TTC21A: variants seen among roughly 807,000 people sequenced by gnomAD.
TTC21A encodes the protein tetratricopeptide repeat protein 21A.
In TTC21A, 128 loss-of-function variants were observed where a neutral mutation model predicts 156.4. The observed-to-expected ratio is 0.82, with a 90% CI of 0.71 to 0.95. The LOEUF (loss-of-function observed/expected upper bound fraction) is 0.95, where lower values mean the gene tolerates loss of function less well. Among genes scored for constraint, TTC21A ranks in the 40% least tolerant of loss-of-function variants. The pLI is 0.00. For synonymous variants in TTC21A, 587 were observed against 617.1 expected (o/e 0.95, Z 0.72); for missense variants, 1,435 against 1,602.3 (o/e 0.90, Z 1.78).
chr3:39,134,644 GCCC>G lies in TTC21A; in HGVS notation c.2862+317_2862+319del, dbSNP rs780440527. 43 of 497,104 alleles carry G rather than the reference GCCC, an allele frequency of 8.7e-5. No homozygotes were observed. The highest frequency in any genetic ancestry group is 1.3e-4 in the Non-Finnish European group (36 of 270,702). The allele number at this position is 497,104 out of a possible 1,614,324, so 30.8% of individuals were successfully genotyped here. ...ACAGGTTCCTGGGGCTTCAGGAAAA[GCCC>G]TCCTCGGTCCTGCCTCTCTCTTCCC... On this transcript the variant is annotated intron_variant, in intron 21 of 28. Transcript: ENST00000683103. The surrounding 1 kb of genome is among the most constrained non-coding windows in gnomAD (Gnocchi z 4.6).
chr3:39,108,006 C>G lies in TTC21A; in HGVS notation c.27+142C>G, dbSNP rs1377929217. On this transcript the variant is annotated intron_variant, in intron 1 of 28. Coordinates refer to ENST00000683103, the MANE Select transcript of TTC21A (RefSeq NM_001366900.1). ...TCCTGCCTTTTCTTGCCCCACTCCC[C>G]CTGGCAAGGGCGTCTTCTCCGGTGG... 9 of 1,016,844 alleles carry G rather than the reference C, an allele frequency of 8.9e-6. No homozygotes were observed. The African/African-American group carries it at 9.7e-5, about 11-fold the overall frequency. The allele number at this position is 1,016,844 out of a possible 1,614,324, so 63.0% of individuals were successfully genotyped here.
At position 39,112,506 on chromosome 3, in the gene TTC21A, A is replaced by G; in HGVS notation, c.484A>G (p.Thr162Ala). The G allele has an allele frequency of 6.2e-7, 1 of 1,614,198 alleles. No individual in the cohort carries two copies. Among genetic ancestry groups the G allele is most frequent in the Non-Finnish European group, 8.5e-7 (1 of 1,180,042 alleles). ...GGACCTGACCTCAGACAAGCCCCACACTGCGAAGAAAGCCATTGAGTACCT... is the reference window on the plus strand; with the variant it reads ...GGACCTGACCTCAGACAAGCCCCACGCTGCGAAGAAAGCCATTGAGTACCT... ...WVDLTSDKPH[T>A]AKKAIEYLEQ... Residue 162 changes from threonine (T) to alanine (A), a missense_variant, in exon 5 of 29, where the codon ACT becomes GCT. By Grantham distance (58) the Thr-to-Ala change is moderately conservative. Coordinates refer to ENST00000683103, the MANE Select transcript of TTC21A (RefSeq NM_001366900.1).
intron 5 of TTC21A, among the ~76,000 whole-genome samples, chr3:39,112,937 C>T (rs779287459): frequency 2.6e-5 from 4 of 152,054 alleles, no homozygotes; most frequent in African/African-American, 4.8e-5. Flanking sequence ...TTTGACCTTC[C>T]CATTTCACTT....
chr3:39,131,241 C>T (rs184630309), intron 19 of TTC21A, 146 bp downstream of exon 19: 1 of 624,964 alleles, frequency 1.6e-6, no homozygotes, highest in African/African-American at 1.8e-5. Flanking sequence ...TCCACCTTCA[C>T]TTATTTTCCC....
Position 39,135,213 on chromosome 3 carries a change from C to G in TTC21A, c.2944+39C>G, listed in dbSNP as rs571897329. The G allele has an allele frequency of 6.4e-6, 10 of 1,561,530 alleles. No individual in the cohort carries two copies. The East Asian group carries it at 2.0e-4, about 31-fold the overall frequency. ...TGGAGACTGCCTGTACCAGTTCCCA[C>G]TGAGCAAGGGCCGCTCTCCCAGAGA... is the stretch of plus-strand genomic sequence containing the variant. On this transcript the variant is annotated intron_variant, in intron 22 of 28. Coordinates refer to ENST00000683103, the MANE Select transcript of TTC21A (RefSeq NM_001366900.1).
chr3:39,112,967 A>G lies in TTC21A; in HGVS notation c.558+387A>G, dbSNP rs1204410431. 4.0e-5 allele frequency among the ~76,000 whole-genome samples: 6 copies of G among 151,606 alleles called. No homozygotes were observed. In the East Asian group the frequency reaches 9.7e-4, roughly 24 times the overall value. On this transcript the variant is annotated intron_variant, in intron 5 of 28. Transcript: ENST00000683103. ...TCACTTCTTTCTACCTGTTAAATTC[A>G]TTTAGTGTGCCGTAAGAGAAGGGAG...
chr3:39,112,657 G>A, intron 5 of TTC21A, 77 bp downstream of exon 5: 1 of 1,576,538 alleles, frequency 6.3e-7, no homozygotes, highest in Middle Eastern at 2.2e-4. Flanking sequence ...GGTACCCCCA[G>A]GCCAAACCCT....
rs61526012 is a variant in TTC21A, at chr3:39,111,430, C to G, written c.435+413C>G. Among the ~76,000 whole-genome samples the G allele has an allele frequency of 2.5e-3, 382 of 152,272 alleles. 1 individual carries two copies. Among genetic ancestry groups the G allele is most frequent in the African/African-American group, 8.9e-3 (371 of 41,546 alleles). On this transcript the variant is annotated intron_variant, in intron 4 of 28. Transcript: ENST00000683103. ...GTCTTGCCATGTTGCCCAGGCTGGTCCAGACTTACTGGTTCTTTTGAAGAC... is the reference window on the plus strand; with the variant it reads ...GTCTTGCCATGTTGCCCAGGCTGGTGCAGACTTACTGGTTCTTTTGAAGAC...
chr3:39,110,177 G>A, intron 3 of TTC21A, 38 bp downstream of exon 3: 1 of 1,519,282 alleles, frequency 6.6e-7, no homozygotes, highest in Non-Finnish European at 9.1e-7. Flanking sequence ...TGACCCACCA[G>A]GGGAAGGAAA....
At chr3:39,111,189 C>T (rs1420245388) in intron 4 of TTC21A, among the ~76,000 whole-genome samples, 172 bp downstream of exon 4, 1 of 152,186 alleles carries the variant, frequency 6.6e-6, no homozygotes, top group Admixed American at 6.5e-5. Context: ...CTGGGCTTAG[C>T]AGAGGTTACA....
At chr3:39,132,893 C>A (rs2038836507) in intron 19 of TTC21A, 159 bp from the exon 20 acceptor site, 2 of 699,206 alleles carry the variant, frequency 2.9e-6, no homozygotes, top group African/African-American at 1.8e-5. Flanking sequence ...CATGTGTACT[C>A]AGCCAGTGGC....
intron 6 of TTC21A, among the ~76,000 whole-genome samples, 159 bp downstream of exon 6, chr3:39,114,901 G>T (rs1310304975): frequency 1.3e-5 from 2 of 152,186 alleles, no homozygotes; most frequent in African/African-American, 4.8e-5. Flanking sequence ...GAGCAGGGAT[G>T]GGTGCAAGCA....
Position 39,129,092 on chromosome 3 carries a change from G to T in TTC21A, c.1917G>T (p.Met639Ile). 1 of 1,614,230 alleles carries T rather than the reference G, an allele frequency of 6.2e-7. No individual in the cohort carries two copies. The highest frequency in any genetic ancestry group is 8.5e-7 in the Non-Finnish European group (1 of 1,180,036). ...NGELHEATKV[M>I]QDTINEFGGT... is the part of the protein sequence containing the mutation. ...TTTAGCATGAGGCCACCAAGGTCAT[G>T]CAGGACACCATCAATGAGTTCGGTG... The change falls in exon 15 of 29, where the codon ATG becomes ATT. Residue 639 changes from methionine (M) to isoleucine (I), a missense_variant. By Grantham distance (10) the Met-to-Ile change is conservative. Coordinates refer to ENST00000683103, the MANE Select transcript of TTC21A (RefSeq NM_001366900.1).
intron 9 of TTC21A, among the ~76,000 whole-genome samples, chr3:39,121,616 G>T (rs1366179305): frequency 1.3e-5 from 2 of 152,212 alleles, no homozygotes; most frequent in Admixed American, 1.3e-4. Flanking sequence ...AAAAAGAGTA[G>T]CTCTGAGAAT....
chr3:39,134,961 A>G lies in TTC21A; in HGVS notation c.2863-132A>G. On this transcript the variant is annotated intron_variant, in intron 21 of 28. Transcript: ENST00000683103. The surrounding 1 kb of genome is among the most constrained non-coding windows in gnomAD (Gnocchi z 4.6). ...CCTGTGGCAGCTTCTCACAAGGCCT[A>G]GGGAGGCTGCCTTGCAAGTCCTTTT... 1 of 781,082 alleles carries G rather than the reference A, an allele frequency of 1.3e-6. No homozygotes were observed. The highest frequency in any genetic ancestry group is 1.5e-5 in the South Asian group (1 of 64,956). 48.4% of individuals were successfully genotyped at this position (781,082 alleles called of 1,614,324 possible). A position where few individuals can be genotyped will look rare whatever the true frequency, so the allele number is the denominator to read the frequency against.
Position 39,130,345 on chromosome 3 carries a change from A to G in TTC21A, c.2306A>G (p.His769Arg). 1 of 1,612,922 alleles carries G rather than the reference A, an allele frequency of 6.2e-7. No individual in the cohort carries two copies. The highest frequency in any genetic ancestry group is 1.1e-5 in the South Asian group (1 of 90,826). ...ATTGGGCACGCTTATGTGAAGGCCC[A>G]CCAGTATACTGAGGTCAGGCTGGGC... Reference protein sequence around the residue: ...SRIGHAYVKAHQYTEAIEYYE... With the variant: ...SRIGHAYVKARQYTEAIEYYE... Residue 769 changes from histidine to arginine, a missense_variant, in exon 17 of 29, where the codon CAC becomes CGC. His to Arg is a conservative substitution (Grantham distance 29). Transcript: ENST00000683103. The surrounding 1 kb of genome is among the most constrained non-coding windows in gnomAD (Gnocchi z 4.5).
intron 1 of TTC21A, chr3:39,108,267 G>A (rs2036420250): frequency 7.4e-6 from 2 of 268,578 alleles, no homozygotes; most frequent in Non-Finnish European, 7.0e-6. Flanking sequence ...CCAGCTCCTT[G>A]ATGTCTCCTG....
chr3:39,123,846 AC>A (rs533828443), intron 9 of TTC21A, among the ~76,000 whole-genome samples: 2 of 150,084 alleles, frequency 1.3e-5, no homozygotes, highest in Non-Finnish European at 3.0e-5. Context: ...AAAAAAAATC[AC>A]CCCCCCCAAA....
chr3:39,134,480 C>A lies in TTC21A; in HGVS notation c.2862+152C>A. On this transcript the variant is annotated intron_variant, in intron 21 of 28. Coordinates refer to ENST00000683103, the MANE Select transcript of TTC21A (RefSeq NM_001366900.1). The surrounding 1 kb of genome is among the most constrained non-coding windows in gnomAD (Gnocchi z 4.6). ...GTCGGGCAGAGAGGACTCAGTGCTG[C>A]ACCTACTCTGCCCTTTAGCCGGAAG... is the stretch of plus-strand genomic sequence containing the variant. 1 of 714,296 alleles carries A rather than the reference C, an allele frequency of 1.4e-6. No individual in the cohort carries two copies. Among genetic ancestry groups the A allele is most frequent in the South Asian group, 1.4e-5 (1 of 69,022 alleles). The allele number at this position is 714,296 out of a possible 1,614,324, so 44.2% of individuals were successfully genotyped here.
Sources: gnomAD v4.1 joint callset for allele counts (sites outside exome capture counted in the v4.1 genomes callset) on GRCh38, gnomAD v4.1.1 for gene constraint, Gnocchi (gnomAD v3.1) non-coding constraint, MANE v1.5 for transcripts, NCBI Gene and HGNC (gene_info 2026-07-23, HGNC 2026-07-21) for gene names.